The following BNC2 variants were observed in gnomAD, a reference collection of about 807,000 sequenced individuals.
BNC2 encodes basonuclin zinc finger protein 2, also known as zinc finger protein basonuclin-2.
A neutral mutation model predicts 76.3 loss-of-function variants in BNC2; 20 were observed. The ratio of observed to expected loss-of-function variants is 0.26; its 90% CI spans 0.18 to 0.38. The LOEUF (loss-of-function observed/expected upper bound fraction) is 0.38, where lower values mean the gene tolerates loss of function less well. BNC2 is among the 10% of genes least tolerant of loss of function. The pLI is 1.00. For synonymous variants in BNC2, 582 were observed against 514.8 expected (o/e 1.13, Z -1.77); for missense variants, 1,382 against 1,399.8 (o/e 0.99, Z 0.20).
At chr9:16,817,786 G>C (rs1818220329) in intron 1 of BNC2, among the ~76,000 whole-genome samples, 2 of 152,150 alleles carry the variant, frequency 1.3e-5, no homozygotes, top group African/African-American at 4.8e-5. Flanking sequence ...TGAGTTTTCA[G>C]TGTGTGCCAG....
intron 3 of BNC2, among the ~76,000 whole-genome samples, chr9:16,716,146 T>G (rs1411813448): frequency 6.6e-6 from 1 of 152,240 alleles, no homozygotes; most frequent in African/African-American, 2.4e-5. Context: ...CCTTCACATG[T>G]TAACACTTCC....
At chr9:16,704,165 C>T (rs1823592984) in intron 3 of BNC2, among the ~76,000 whole-genome samples, 1 of 152,098 alleles carries the variant, frequency 6.6e-6, no homozygotes, top group Non-Finnish European at 1.5e-5. Context: ...TCCACACATC[C>T]ACACTTTAAT....
rs200399190 is a variant in BNC2, at chr9:16,708,807, TG to T, written c.330+18989del. Reference sequence around the variant, plus strand: ...GAGCTGGAGCCCCACAACAAAACAGTGGATCAGGCAGCTGGCCTGAGATGCT... The same window carrying T: ...GAGCTGGAGCCCCACAACAAAACAGTGATCAGGCAGCTGGCCTGAGATGCT... On this transcript the variant is annotated intron_variant, in intron 3 of 6. Coordinates refer to ENST00000380672, the MANE Select transcript of BNC2 (RefSeq NM_017637.6). Among the ~76,000 whole-genome samples the T allele has an allele frequency of 5.2e-3, 793 of 152,058 alleles. 4 individuals are homozygous for T. Among genetic ancestry groups the T allele is most frequent in the African/African-American group, 0.016 (651 of 41,486 alleles).
chr9:16,546,214 T>C (rs994695015), intron 5 of BNC2, among the ~76,000 whole-genome samples: 1 of 152,250 alleles, frequency 6.6e-6, no homozygotes, highest in Non-Finnish European at 1.5e-5. Context: ...TATTATTTCA[T>C]CTTTTTAGAC....
Position 16,436,003 on chromosome 9 carries a change from G to C in BNC2, c.2191C>G (p.Pro731Ala). Residue 731 changes from proline (P) to alanine (A), a missense_variant, in exon 6 of 7, where the codon CCC (proline) becomes GCC (alanine). Around this residue, in one of 3 missense-constraint regions of BNC2, gnomAD observed 798 missense variants for 775.5 expected, o/e 1.03. Transcript: ENST00000380672. ...DYENESESSE[P>A]KLGEESMEGD... ...TCCATGGATTCCTCGCCCAGTTTGGGCTCCGAAGACTCAGACTCGTTCTCA... is the reference window on the plus strand; with the variant it reads ...TCCATGGATTCCTCGCCCAGTTTGGCCTCCGAAGACTCAGACTCGTTCTCA... 6.2e-7 allele frequency: 1 copy of C among 1,614,108 alleles called. No homozygotes were observed. The highest frequency in any genetic ancestry group is 8.5e-7 in the Non-Finnish European group (1 of 1,180,022).
intron 3 of BNC2, among the ~76,000 whole-genome samples, chr9:16,608,963 C>T (rs992630388): frequency 6.6e-6 from 1 of 152,118 alleles, no homozygotes; most frequent in African/African-American, 2.4e-5. Flanking sequence ...AAACATCATA[C>T]CTTGCCAACC....
At chr9:16,428,308 G>A (rs553839366) in intron 6 of BNC2, among the ~76,000 whole-genome samples, 2 of 152,182 alleles carry the variant, frequency 1.3e-5, no homozygotes, top group Non-Finnish European at 2.9e-5. Flanking sequence ...AGCAGAGTTA[G>A]AGCGGCTCCC....
intron 3 of BNC2, among the ~76,000 whole-genome samples, chr9:16,598,006 G>C (rs1418883552): frequency 1.3e-5 from 2 of 152,106 alleles, no homozygotes; most frequent in Non-Finnish European, 2.9e-5. Flanking sequence ...CTTGATGAAA[G>C]AGACCCTATG....
In BNC2 at chr9:16,411,969, A is replaced by C. The variant is rs1820471092; in HGVS notation, c.*7020T>G. ...CACTTCATTTAGTCACTAACTAGTC[A>C]CTTTCCAACCATCATTTGAGTATTT... is the stretch of plus-strand genomic sequence containing the variant. On this transcript the variant is annotated 3_prime_UTR_variant, in exon 7 of 7. Transcript: ENST00000380672. 1 of 152,244 alleles carries C rather than the reference A, an allele frequency of 6.6e-6. No homozygotes were observed. The highest frequency in any genetic ancestry group is 1.5e-5 in the Non-Finnish European group (1 of 68,038). The allele number at this position is 152,244 out of a possible 1,614,324, so 9.4% of individuals were successfully genotyped here.
intron 1 of BNC2, among the ~76,000 whole-genome samples, chr9:16,856,738 G>A (rs946889767): frequency 2.0e-5 from 3 of 152,152 alleles, no homozygotes; most frequent in Non-Finnish European, 4.4e-5. Context: ...AGCCAATTCA[G>A]CCAAGTATGT....
intron 5 of BNC2, among the ~76,000 whole-genome samples, chr9:16,519,335 A>G (rs944761897): frequency 6.6e-6 from 1 of 152,236 alleles, no homozygotes; most frequent in African/African-American, 2.4e-5. Flanking sequence ...GCCAGAGACA[A>G]GGATTCTGAA....
intron 3 of BNC2, among the ~76,000 whole-genome samples, chr9:16,698,322 TA>T (rs34651454): frequency 0.81 from 121,873 of 150,606 alleles, 49,667 homozygotes; most frequent in Non-Finnish European, 0.87. Context: ...TACTGTTTAT[TA>T]AAAAAAAAAA....
chr9:16,463,878 T>A (rs1340738011), intron 5 of BNC2, among the ~76,000 whole-genome samples: 1 of 151,876 alleles, frequency 6.6e-6, no homozygotes, highest in Non-Finnish European at 1.5e-5. Flanking sequence ...GGCAGATCAC[T>A]TGAGGTTAGG....
chr9:16,711,350 G>A (rs1032363060), intron 3 of BNC2, among the ~76,000 whole-genome samples: 6 of 152,088 alleles, frequency 3.9e-5, no homozygotes, highest in African/African-American at 1.2e-4. Context: ...CTTCCAGCAC[G>A]TTTCTTCCAT....
rs531839572 is a variant in BNC2 at position 16,648,079 on chromosome 9, G to C, written c.331-64994C>G. On this transcript the variant is annotated intron_variant, in intron 3 of 6. Coordinates refer to ENST00000380672, the MANE Select transcript of BNC2 (RefSeq NM_017637.6). ...CACCAATGTACGCAATAAAATATGT[G>C]TGTGTGTGTGTTTAAAAAAAGACAT... Among the ~76,000 whole-genome samples the C allele has an allele frequency of 2.6e-5, 4 of 152,294 alleles. No individual in the cohort carries two copies. In the South Asian group the frequency reaches 8.3e-4, roughly 32 times the overall value.
intron 4 of BNC2, among the ~76,000 whole-genome samples, chr9:16,557,310 C>T (rs1167312079): frequency 6.6e-6 from 1 of 151,914 alleles, no homozygotes; most frequent in African/African-American, 2.4e-5. Flanking sequence ...ACCAGGCTGG[C>T]CAACATGGGG....
chr9:16,420,453 G>C (rs1400402608), intron 6 of BNC2, among the ~76,000 whole-genome samples: 1 of 139,310 alleles, frequency 7.2e-6, no homozygotes, highest in Admixed American at 6.8e-5. Flanking sequence ...CGGAAAAACA[G>C]AAACTTTTTA....
chr9:16,471,667 C>G (rs1821828446), intron 5 of BNC2, among the ~76,000 whole-genome samples: 1 of 152,134 alleles, frequency 6.6e-6, no homozygotes, highest in Admixed American at 6.5e-5. Context: ...GGACTGTGGA[C>G]TTTTGGGTTA....
chr9:16,526,712 A>T (rs1817815443), intron 5 of BNC2, among the ~76,000 whole-genome samples: 1 of 152,102 alleles, frequency 6.6e-6, no homozygotes. Context: ...CATTGATATG[A>T]CCATGATATG....
Sources: allele counts gnomAD v4.1 joint callset (sites outside exome capture counted in the v4.1 genomes callset), GRCh38; gene constraint gnomAD v4.1.1; regional missense constraint gnomAD v4.1.1; transcripts MANE v1.5; gene names NCBI Gene and HGNC (gene_info 2026-07-23, HGNC 2026-07-21).